Variants in SYTL3 observed in about 807,000 individuals in gnomAD.
SYTL3 encodes the protein synaptotagmin like 3.
In SYTL3, 88 loss-of-function variants were observed where a neutral mutation model predicts 82.1. The observed-to-expected ratio is 1.07, with a 90% CI of 0.90 to 1.28. SYTL3 has a LOEUF of 1.28. Ranked by LOEUF, SYTL3 falls within the 50% of genes most tolerant of loss-of-function variation. The probability of loss-of-function intolerance (pLI) is 0.00; values close to 1 mark genes in which losing one functional copy is unlikely to be tolerated. For synonymous variants in SYTL3, 311 were observed against 289.4 expected, an observed-to-expected ratio of 1.07 and a Z score of -0.76; for missense variants, 831 against 757.6, an observed-to-expected ratio of 1.10 and a Z score of -1.14.
At chr6:158,707,174 A>T in intron 6 of SYTL3, 56 bp from the exon 7 acceptor site, 1 of 1,518,630 alleles carries the variant, frequency 6.6e-7, no homozygotes, top group Non-Finnish European at 9.1e-7. Context: ...TCCTGTATTT[A>T]CATTAGCTAA....
At chr6:158,734,239 G>A (rs761743717) in intron 11 of SYTL3, among the ~76,000 whole-genome samples, 1 of 152,042 alleles carries the variant, frequency 6.6e-6, no homozygotes, top group Non-Finnish European at 1.5e-5. Flanking sequence ...AATAGGGGTG[G>A]AGGGGTTGGG....
intron 4 of SYTL3, among the ~76,000 whole-genome samples, chr6:158,664,892 G>A (rs150041424): frequency 7.0e-6 from 1 of 143,532 alleles, no homozygotes; most frequent in Admixed American, 7.4e-5. Flanking sequence ...AGGGGAGTGG[G>A]CTGACCACTT....
At chr6:158,731,686 C>T (rs566117374) in intron 11 of SYTL3, among the ~76,000 whole-genome samples, 23 of 152,284 alleles carry the variant, frequency 1.5e-4, no homozygotes, top group African/African-American at 4.1e-4. Context: ...TTCTGCCTCC[C>T]GGGTTCACGC....
At chr6:158,763,024 C>T (rs1021301095) in intron 16 of SYTL3, among the ~76,000 whole-genome samples, 2 of 152,126 alleles carry the variant, frequency 1.3e-5, no homozygotes, top group Non-Finnish European at 2.9e-5. Context: ...AAGGAGATAA[C>T]GTGTATCTGC....
intron 11 of SYTL3, among the ~76,000 whole-genome samples, chr6:158,743,191 A>C (rs1016927784): frequency 2.0e-5 from 3 of 152,170 alleles, no homozygotes; most frequent in Admixed American, 2.0e-4. Context: ...AAGGAGAGTC[A>C]AGCAGGTCAG....
chr6:158,666,512 G>C (rs1790072748), intron 5 of SYTL3, among the ~76,000 whole-genome samples: 1 of 152,176 alleles, frequency 6.6e-6, no homozygotes, highest in South Asian at 2.1e-4. Context: ...AACACTAGAG[G>C]GGTGACTCCG....
At chr6:158,648,947 G>T (rs1321669430), upstream of SYTL3, among the ~76,000 whole-genome samples, 1 of 152,188 alleles carries the variant, frequency 6.6e-6, no homozygotes, top group East Asian at 1.9e-4. Flanking sequence ...GGGAAGCGGA[G>T]GCACAGTTGT....
chr6:158,735,314 C>T (rs1232217088), intron 11 of SYTL3, among the ~76,000 whole-genome samples: 2 of 152,034 alleles, frequency 1.3e-5, no homozygotes, highest in East Asian at 3.8e-4. Context: ...GAGTATTAAT[C>T]AGATTTTACA....
chr6:158,725,892 T>C, intron 11 of SYTL3: 1 of 699,888 alleles, frequency 1.4e-6, no homozygotes, highest in Non-Finnish European at 2.6e-6. Flanking sequence ...ACTCCACCAG[T>C]GCTCTGTAGC....
intron 11 of SYTL3, among the ~76,000 whole-genome samples, chr6:158,729,167 T>G (rs912066985): frequency 6.6e-6 from 1 of 152,250 alleles, no homozygotes; most frequent in Non-Finnish European, 1.5e-5. Context: ...TTAACACTTG[T>G]GTTAGTCCAT....
chr6:158,685,438 C>A (rs568811237), intron 6 of SYTL3, among the ~76,000 whole-genome samples: 89 of 152,138 alleles, frequency 5.8e-4, no homozygotes, highest in African/African-American at 2.1e-3. Flanking sequence ...GAACTCCTGA[C>A]CTCAAGTGAT....
At chr6:158,718,507 C>T (rs1210163278) in intron 10 of SYTL3, among the ~76,000 whole-genome samples, 1 of 152,224 alleles carries the variant, frequency 6.6e-6, no homozygotes, top group African/African-American at 2.4e-5. Flanking sequence ...CAAGCCTGCG[C>T]CAAAGCCCAA....
Position 158,763,503 on chromosome 6 carries a change from G to C in SYTL3, c.1717G>C (p.Gly573Arg), listed in dbSNP as rs1249653036. ...NDRLLGGTRL[G>R]SKGDTAVGGD... ...CCGCTTGCTTGGAGGAACCAGACTT[G>C]GTTCAAGTAAGTCTGAGACATTGAG... Residue 573 changes from glycine to arginine, a missense_variant, in exon 17 of 18, where the codon GGT becomes CGT. Gly to Arg is a moderately radical substitution (Grantham distance 125). Coordinates refer to ENST00000611299, the MANE Select transcript of SYTL3 (RefSeq NM_001242394.2). 28 of 1,613,776 alleles carry C rather than the reference G, an allele frequency of 1.7e-5. No individual in the cohort carries two copies. The highest frequency in any genetic ancestry group is 2.3e-5 in the Non-Finnish European group (27 of 1,179,714).
intron 15 of SYTL3, 139 bp from the exon 16 acceptor site, chr6:158,761,937 G>A (rs2128553442): frequency 1.6e-6 from 1 of 628,022 alleles, no homozygotes; most frequent in South Asian, 1.9e-5. Context: ...AGAGCCCACT[G>A]CACCACTCCC....
At chr6:158,761,775 G>A (rs1461132176) in intron 15 of SYTL3, among the ~76,000 whole-genome samples, 1 of 152,168 alleles carries the variant, frequency 6.6e-6, no homozygotes, top group African/African-American at 2.4e-5. Context: ...CCAAACTTCT[G>A]GCTACAACTA....
At chr6:158,706,725 A>G (rs1276106882) in intron 6 of SYTL3, among the ~76,000 whole-genome samples, 2 of 152,228 alleles carry the variant, frequency 1.3e-5, no homozygotes, top group Admixed American at 1.3e-4. Flanking sequence ...AAAGAGTACT[A>G]TATCAGATGC....
intron 6 of SYTL3, among the ~76,000 whole-genome samples, chr6:158,687,610 G>A (rs1032300735): frequency 6.6e-6 from 1 of 152,162 alleles, no homozygotes; most frequent in Non-Finnish European, 1.5e-5. Flanking sequence ...CCACAGACCT[G>A]AGAATCAAAC....
chr6:158,729,566 C>CTTTTTTTTTTT (rs34172320), intron 11 of SYTL3, among the ~76,000 whole-genome samples: 11 of 132,880 alleles, frequency 8.3e-5, no homozygotes, highest in African/African-American at 1.7e-4. Flanking sequence ...CTTTCTTTTT[C>CTTTTTTTTTTT]TTTTTTTTTT....
intron 10 of SYTL3, among the ~76,000 whole-genome samples, chr6:158,720,574 G>A (rs1783992247): frequency 1.3e-5 from 2 of 152,170 alleles, no homozygotes; most frequent in Admixed American, 1.3e-4. Flanking sequence ...AAGAAAGAGG[G>A]TTCAGGAAGG....
Sources: gnomAD v4.1 joint callset for allele counts (sites outside exome capture counted in the v4.1 genomes callset) on GRCh38, gnomAD v4.1.1 for gene constraint, MANE v1.5 for transcripts, NCBI Gene and HGNC (gene_info 2026-07-23, HGNC 2026-07-21) for gene names.